The following KIF6 variants were observed in gnomAD, a reference collection of about 807,000 sequenced individuals.
KIF6 encodes the protein kinesin family member 6.
In KIF6, 106 loss-of-function variants were observed where a neutral mutation model predicts 112.7. That is an observed-to-expected ratio of 0.94 (90% confidence interval 0.80 to 1.11). The LOEUF (loss-of-function observed/expected upper bound fraction) is 1.11. Ranked by LOEUF, KIF6 falls within the 50% of genes least tolerant of loss-of-function variation. The probability of loss-of-function intolerance (pLI) is 0.00; values close to 1 mark genes in which losing one functional copy is unlikely to be tolerated. For synonymous variants in KIF6, 339 were observed against 339.9 expected (o/e 1.00, Z 0.03); for missense variants, 929 against 964.0 (o/e 0.96, Z 0.48).
chr6:39,396,508 G>A lies in KIF6; in HGVS notation c.1811-10836C>T, dbSNP rs181667746. Among the ~76,000 whole-genome samples the A allele has an allele frequency of 2.8e-4, 42 of 152,316 alleles. No individual in the cohort carries two copies. In the East Asian group the frequency reaches 6.2e-3, roughly 22 times the overall value. The stretch of plus-strand genomic sequence containing the variant: ...GACAACTGAACAGCAGTGAAGGCCC[G>A]TCAGAGGAGAGGGAGTGGAAAACGG... On this transcript the variant is annotated intron_variant, in intron 15 of 22. Coordinates refer to ENST00000287152, the MANE Select transcript of KIF6 (RefSeq NM_145027.6).
intron 13 of KIF6, among the ~76,000 whole-genome samples, chr6:39,463,770 T>C (rs1029565454): frequency 1.3e-5 from 2 of 152,196 alleles, no homozygotes; most frequent in Non-Finnish European, 2.9e-5. Flanking sequence ...TAAATAAAAA[T>C]TCCAAATCTT....
At chr6:39,384,840 G>A (rs1169897380) in intron 16 of KIF6, among the ~76,000 whole-genome samples, 4 of 152,136 alleles carry the variant, frequency 2.6e-5, no homozygotes, top group African/African-American at 9.7e-5. Context: ...GAAATGAGGA[G>A]GTTCTACCCA....
chr6:39,418,114 A>G (rs1319272882), intron 15 of KIF6, among the ~76,000 whole-genome samples: 1 of 152,158 alleles, frequency 6.6e-6, no homozygotes, highest in East Asian at 1.9e-4. Flanking sequence ...CCTAGGATCA[A>G]TTTCCTTATT....
Position 39,332,581 on chromosome 6 carries a change from T to C in KIF6, c.*3951A>G, listed in dbSNP as rs1762779688. 6.6e-6 allele frequency: 1 copy of C among 152,220 alleles called. No homozygotes were observed. Among genetic ancestry groups the C allele is most frequent in the Non-Finnish European group, 1.5e-5 (1 of 68,044 alleles). The allele number at this position is 152,220 out of a possible 1,614,324, so 9.4% of individuals were successfully genotyped here. A position where few individuals can be genotyped will look rare whatever the true frequency, so the allele number is the denominator to read the frequency against. On this transcript the variant is annotated 3_prime_UTR_variant, in exon 23 of 23. Transcript: ENST00000287152. Reference sequence around the variant, plus strand: ...ATGTGTCTCTATACAATGACTGTTTTGGGAGGTTTCTCCACTCTGGCTGTT... The same window carrying C: ...ATGTGTCTCTATACAATGACTGTTTCGGGAGGTTTCTCCACTCTGGCTGTT...
intron 19 of KIF6, among the ~76,000 whole-genome samples, chr6:39,355,132 G>GCCGTGATCA (rs1764543526): frequency 6.6e-6 from 1 of 152,132 alleles, no homozygotes; most frequent in Non-Finnish European, 1.5e-5. Context: ...GCTGCAGTGA[G>GCCGTGATCA]CCGTGATCAC....
chr6:39,454,722 C>CAGGTGTCAAAGAA (rs931283351), intron 13 of KIF6, among the ~76,000 whole-genome samples: 2 of 152,102 alleles, frequency 1.3e-5, no homozygotes, highest in Non-Finnish European at 2.9e-5. Context: ...CGCAAGGGGT[C>CAGGTGTCAAAGAA]AGGGAGTTCC....
intron 13 of KIF6, among the ~76,000 whole-genome samples, chr6:39,457,349 T>C (rs910023701): frequency 1.4e-5 from 2 of 145,608 alleles, no homozygotes; most frequent in African/African-American, 5.1e-5. Flanking sequence ...CATACCAGAA[T>C]CTCTGGGACA....
At chr6:39,364,402 A>G (rs1291729090) in intron 16 of KIF6, among the ~76,000 whole-genome samples, 1 of 152,122 alleles carries the variant, frequency 6.6e-6, no homozygotes, top group Non-Finnish European at 1.5e-5. Flanking sequence ...TACAGGTGTG[A>G]GCCACCGCGC....
chr6:39,418,735 C>T (rs974077125), intron 15 of KIF6, among the ~76,000 whole-genome samples: 7 of 152,190 alleles, frequency 4.6e-5, no homozygotes, highest in Non-Finnish European at 1.0e-4. Flanking sequence ...GCTGCCTCAG[C>T]CCCTTCTGTC....
chr6:39,672,595 A>G (rs1786887672), intron 3 of KIF6, among the ~76,000 whole-genome samples: 1 of 152,232 alleles, frequency 6.6e-6, no homozygotes, highest in African/African-American at 2.4e-5. Context: ...TGCTTAAATA[A>G]CAGAAATTTA....
chr6:39,346,125 C>CT (rs1491394185), intron 20 of KIF6, among the ~76,000 whole-genome samples: 7,425 of 90,368 alleles, frequency 0.082, 1,188 homozygotes, highest in African/African-American at 0.15. Flanking sequence ...CCCTCTCCCT[C>CT]CCTCTCCCTC....
chr6:39,605,055 A>G (rs1411845137), intron 6 of KIF6, among the ~76,000 whole-genome samples: 4 of 152,130 alleles, frequency 2.6e-5, no homozygotes, highest in South Asian at 2.1e-4. Flanking sequence ...TTTTGCCTGT[A>G]TCTTTAATTG....
rs1790484077 is a variant in KIF6 at position 39,725,310 on chromosome 6, TCTC to T, written c.-3_-1del. On this transcript the variant is annotated 5_prime_UTR_variant, in exon 1 of 23. Transcript: ENST00000287152. ...AATATCTGGATAGTCTGCTTCACCA[TCTC>T]CTCCCTGGCTCTGCAATGACCCTTG... is the stretch of plus-strand genomic sequence containing the variant. The T allele has an allele frequency of 1.2e-6, 2 of 1,607,360 alleles. No homozygotes were observed. The highest frequency in any genetic ancestry group is 1.7e-6 in the Non-Finnish European group (2 of 1,177,368).
chr6:39,510,872 C>CGA (rs1776741593), intron 13 of KIF6, among the ~76,000 whole-genome samples: 1 of 23,858 alleles, frequency 4.2e-5, no homozygotes, highest in African/African-American at 1.6e-4. Context: ...AAATGGGAAG[C>CGA]AAAAAAAAAA....
At chr6:39,609,455 A>C (rs1195049399) in intron 6 of KIF6, among the ~76,000 whole-genome samples, 1 of 151,280 alleles carries the variant, frequency 6.6e-6, no homozygotes. Flanking sequence ...ATGCTAGACC[A>C]CTCGGACACA....
intron 15 of KIF6, among the ~76,000 whole-genome samples, chr6:39,410,831 A>G (rs1186877964): frequency 6.6e-6 from 1 of 152,172 alleles, no homozygotes; most frequent in Non-Finnish European, 1.5e-5. Flanking sequence ...TGCGATATCA[A>G]TTATTGCACC....
chr6:39,667,423 C>T (rs1304026946), intron 3 of KIF6, among the ~76,000 whole-genome samples: 4 of 152,132 alleles, frequency 2.6e-5, no homozygotes, highest in Non-Finnish European at 5.9e-5. Context: ...CTCTGGCCAG[C>T]ACCAATAGGA....
chr6:39,512,920 G>A (rs1026405661), intron 13 of KIF6, among the ~76,000 whole-genome samples: 24 of 152,144 alleles, frequency 1.6e-4, no homozygotes, highest in Non-Finnish European at 2.9e-4. Context: ...AGCCAGGCAC[G>A]TCTATATGTG....
chr6:39,574,915 C>G (rs1357674227), intron 10 of KIF6, among the ~76,000 whole-genome samples: 3 of 152,242 alleles, frequency 2.0e-5, no homozygotes, highest in African/African-American at 7.2e-5. Context: ...TTTTTTCATT[C>G]TGTTATTGAG....
Sources: gnomAD v4.1 joint callset for allele counts (sites outside exome capture counted in the v4.1 genomes callset) on GRCh38, gnomAD v4.1.1 for gene constraint, MANE v1.5 for transcripts, NCBI Gene and HGNC (gene_info 2026-07-23, HGNC 2026-07-21) for gene names.